The following MACROD2 variants were observed in gnomAD, a reference collection of about 807,000 sequenced individuals.
MACROD2 encodes ADP-ribose glycohydrolase MACROD2.
In MACROD2, 36 loss-of-function variants were observed where a neutral mutation model predicts 70.4. The ratio of observed to expected loss-of-function variants is 0.51; its 90% CI spans 0.39 to 0.68. The LOEUF (loss-of-function observed/expected upper bound fraction) is 0.68, where lower values mean the gene tolerates loss of function less well. Ranked by LOEUF, MACROD2 falls within the 30% of genes least tolerant of loss-of-function variation. MACROD2 has a pLI of 0.00. For synonymous variants in MACROD2, 172 were observed against 178.8 expected (o/e 0.96, Z 0.30); for missense variants, 496 against 538.4 (o/e 0.92, Z 0.78).
chr20:14,094,987 A>T (rs1440272503), intron 3 of MACROD2, among the ~76,000 whole-genome samples: 4 of 151,960 alleles, frequency 2.6e-5, no homozygotes, highest in Non-Finnish European at 4.4e-5. Flanking sequence ...CTCTACCTAA[A>T]ATATTACTTC....
chr20:14,983,833 G>A (rs1288308448), intron 5 of MACROD2, among the ~76,000 whole-genome samples: 1 of 152,190 alleles, frequency 6.6e-6, no homozygotes, highest in Non-Finnish European at 1.5e-5. Flanking sequence ...ATAATGGTAA[G>A]TAGTAATGAT....
At chr20:14,314,993 C>G (rs1319058579) in intron 3 of MACROD2, among the ~76,000 whole-genome samples, 3 of 152,136 alleles carry the variant, frequency 2.0e-5, no homozygotes, top group East Asian at 1.9e-4. Flanking sequence ...CTAGGTCTGT[C>G]TAATTCAAAG....
At chr20:14,332,949 C>G (rs929278158) in intron 3 of MACROD2, among the ~76,000 whole-genome samples, 4 of 152,032 alleles carry the variant, frequency 2.6e-5, no homozygotes, top group Non-Finnish European at 5.9e-5. Flanking sequence ...TACGGTTAAA[C>G]TGAAAAACTG....
intron 8 of MACROD2, among the ~76,000 whole-genome samples, chr20:15,531,085 G>A (rs1292495850): frequency 6.7e-6 from 1 of 149,780 alleles, no homozygotes; most frequent in Non-Finnish European, 1.5e-5. Context: ...TAAGAATAGA[G>A]CAAGTGCTGC....
intron 5 of MACROD2, among the ~76,000 whole-genome samples, chr20:14,873,816 G>A (rs531571579): frequency 1.3e-4 from 20 of 152,124 alleles, no homozygotes; most frequent in East Asian, 9.7e-4. Flanking sequence ...CTGAGACTGC[G>A]CCATTGCACT....
At chr20:15,442,877 T>C (rs952124387) in intron 7 of MACROD2, among the ~76,000 whole-genome samples, 2 of 152,178 alleles carry the variant, frequency 1.3e-5, no homozygotes, top group African/African-American at 4.8e-5. Flanking sequence ...TATTAAAATG[T>C]CTTTATAATG....
chr20:14,170,688 A>T (rs563177424), intron 3 of MACROD2, among the ~76,000 whole-genome samples: 1 of 152,194 alleles, frequency 6.6e-6, no homozygotes, highest in Non-Finnish European at 1.5e-5. Flanking sequence ...CATCCCTGGT[A>T]TGAAACCCAC....
intron 8 of MACROD2, among the ~76,000 whole-genome samples, chr20:15,656,193 G>A (rs1042131266): frequency 2.0e-5 from 3 of 152,128 alleles, no homozygotes; most frequent in African/African-American, 4.8e-5. Context: ...ATTGGGATCC[G>A]TTTTCTGATT....
intron 3 of MACROD2, among the ~76,000 whole-genome samples, chr20:14,103,337 G>C (rs1442215081): frequency 6.6e-6 from 1 of 152,156 alleles, no homozygotes; most frequent in Non-Finnish European, 1.5e-5. Context: ...CTTTGAGAGA[G>C]ACTAAAAAAT....
At chr20:15,110,953 G>A (rs1187839427) in intron 5 of MACROD2, among the ~76,000 whole-genome samples, 1 of 152,144 alleles carries the variant, frequency 6.6e-6, no homozygotes, top group Non-Finnish European at 1.5e-5. Context: ...ACTGTGCTCA[G>A]CACCTGCATC....
At chr20:15,497,449 G>A (rs117999417) in intron 7 of MACROD2, among the ~76,000 whole-genome samples, 7,451 of 152,134 alleles carry the variant, frequency 0.049, 281 homozygotes, top group Non-Finnish European at 0.07. Context: ...CCGCCACCAC[G>A]TTTGGCTAAG....
intron 5 of MACROD2, among the ~76,000 whole-genome samples, chr20:14,771,644 TACAC>T (rs745602537): frequency 0.031 from 4,367 of 141,728 alleles, 83 homozygotes; most frequent in Middle Eastern, 0.11. Context: ...TATCCAAAAA[TACAC>T]ACACACACAC....
At chr20:14,463,322 T>C (rs1441281443) in intron 3 of MACROD2, among the ~76,000 whole-genome samples, 5 of 152,158 alleles carry the variant, frequency 3.3e-5, no homozygotes, top group African/African-American at 1.2e-4. Flanking sequence ...TCACTCATGA[T>C]TTGGCTCTCT....
intron 5 of MACROD2, among the ~76,000 whole-genome samples, chr20:14,862,084 T>A (rs1384239806): frequency 9.9e-5 from 4 of 40,498 alleles, no homozygotes; most frequent in Non-Finnish European, 1.2e-4. Context: ...AATATATAAA[T>A]ATATATAAAT....
chr20:14,849,972 A>G (rs762805871), intron 5 of MACROD2: 5 of 516,908 alleles, frequency 9.7e-6, no homozygotes, highest in African/African-American at 1.9e-5. Context: ...TATTACTTCA[A>G]TCACTCCACC....
At chr20:14,254,633 G>GT (rs1451383749) in intron 3 of MACROD2, among the ~76,000 whole-genome samples, 3 of 152,106 alleles carry the variant, frequency 2.0e-5, no homozygotes, top group African/African-American at 4.8e-5. Context: ...CCACGAAATA[G>GT]TTTTTTACCA....
At chr20:14,241,173 C>T (rs368191972) in intron 3 of MACROD2, among the ~76,000 whole-genome samples, 158 of 152,144 alleles carry the variant, frequency 1.0e-3, no homozygotes, top group African/African-American at 3.3e-3. Flanking sequence ...TATTTGCTAA[C>T]GCATATTTTT....
At chr20:14,872,343 A>G (rs965312476) in intron 5 of MACROD2, among the ~76,000 whole-genome samples, 2 of 152,058 alleles carry the variant, frequency 1.3e-5, no homozygotes, top group African/African-American at 2.4e-5. Flanking sequence ...CCACATTGCT[A>G]TTGCCAAGTT....
At chr20:15,762,388 A>G (rs1480309992) in intron 8 of MACROD2, among the ~76,000 whole-genome samples, 2 of 152,138 alleles carry the variant, frequency 1.3e-5, no homozygotes, top group East Asian at 3.9e-4. Context: ...ACCTTGTGCT[A>G]CTGTTATTTC....
Sources: gnomAD v4.1 joint callset for allele counts (sites outside exome capture counted in the v4.1 genomes callset) on GRCh38, gnomAD v4.1.1 for gene constraint, MANE v1.5 for transcripts, NCBI Gene and HGNC (gene_info 2026-07-23, HGNC 2026-07-21) for gene names.